TENM3: variants seen among roughly 807,000 people sequenced by gnomAD.
The protein encoded by TENM3 is teneurin-3.
In TENM3, 63 loss-of-function variants were observed where a neutral mutation model predicts 255.1. The observed-to-expected ratio is 0.25, with a 90% CI of 0.20 to 0.30. The LOEUF is 0.30. Among genes scored for constraint, TENM3 ranks in the 10% least tolerant of loss-of-function variants. The probability of loss-of-function intolerance (pLI) is 1.00; values close to 1 mark genes in which losing one functional copy is unlikely to be tolerated. For synonymous variants in TENM3, 1,306 were observed against 1,322.3 expected (o/e 0.99, Z 0.27); for missense variants, 2,929 against 3,461.1 (o/e 0.85, Z 3.86).
chr4:182,406,529 C>A (rs755796260), intron 3 of TENM3, among the ~76,000 whole-genome samples: 20 of 152,070 alleles, frequency 1.3e-4, no homozygotes, highest in Non-Finnish European at 2.6e-4. Context: ...GGAACACCTG[C>A]CAGAAATAAG....
At chr4:182,004,536 C>T in the TENM3 span, among the ~76,000 whole-genome samples, 21,581 of 152,090 alleles carry the variant, frequency 0.14, 1,743 homozygotes, top group South Asian at 0.21. Flanking sequence ...AATAAACATA[C>T]GTGTGCATGT....
intron 2 of TENM3, among the ~76,000 whole-genome samples, chr4:182,333,582 A>G (rs1763917059): frequency 6.6e-6 from 1 of 152,228 alleles, no homozygotes; most frequent in Non-Finnish European, 1.5e-5. Flanking sequence ...TCAATATGGT[A>G]GTAATATTTG....
rs544649241 is a variant in TENM3, at chr4:182,357,115, C to T, written c.511+10186C>T. Among the ~76,000 whole-genome samples the T allele has an allele frequency of 2.0e-5, 3 of 152,186 alleles. No individual in the cohort carries two copies. The South Asian group carries it at 6.2e-4, about 32-fold the overall frequency. On this transcript the variant is annotated intron_variant, in intron 3 of 27. Coordinates refer to ENST00000511685, the MANE Select transcript of TENM3 (RefSeq NM_001080477.4). ...GCCATATTTTCTTAATCCAGTCTAT[C>T]GTTGTTGGACATTTGGGTTGGTTCC...
chr4:182,429,826 C>T (rs940714114), intron 3 of TENM3, among the ~76,000 whole-genome samples: 4 of 152,174 alleles, frequency 2.6e-5, no homozygotes, highest in African/African-American at 9.7e-5. Context: ...AGGAACACTG[C>T]CTTTGAGATC....
intron 1 of TENM3, among the ~76,000 whole-genome samples, chr4:182,176,715 T>C (rs1752509280): frequency 6.6e-6 from 1 of 152,018 alleles, no homozygotes; most frequent in Non-Finnish European, 1.5e-5. Context: ...TCACCCAGGC[T>C]AGAGTGCAGT....
chr4:181,940,807 G>T, the TENM3 span, among the ~76,000 whole-genome samples: 1 of 152,174 alleles, frequency 6.6e-6, no homozygotes, highest in East Asian at 1.9e-4. Context: ...GGGCTGCTGT[G>T]TTGGAAATAG....
chr4:182,475,185 C>T (rs1191388753), intron 3 of TENM3, among the ~76,000 whole-genome samples: 1 of 152,142 alleles, frequency 6.6e-6, no homozygotes, highest in African/African-American at 2.4e-5. Context: ...AGGTTACCCC[C>T]TGGTTTGGTA....
intron 3 of TENM3, among the ~76,000 whole-genome samples, chr4:182,468,192 A>C (rs900550817): frequency 1.1e-4 from 17 of 152,276 alleles, no homozygotes; most frequent in African/African-American, 2.9e-4. Flanking sequence ...TTTGAGACCA[A>C]CCTGGGTAAT....
chr4:182,722,715 G>A (rs1026532544), intron 13 of TENM3, among the ~76,000 whole-genome samples: 1 of 152,192 alleles, frequency 6.6e-6, no homozygotes, highest in African/African-American at 2.4e-5. Flanking sequence ...TTCTCTAAGG[G>A]TACTCTGGCT....
chr4:182,505,132 T>C (rs972984103), intron 3 of TENM3, among the ~76,000 whole-genome samples: 18 of 152,224 alleles, frequency 1.2e-4, no homozygotes, highest in African/African-American at 4.3e-4. Flanking sequence ...ACTCCTCCTG[T>C]AGAATTAGAG....
chr4:182,445,342 C>G (rs1041231896), intron 3 of TENM3, among the ~76,000 whole-genome samples: 16 of 152,170 alleles, frequency 1.1e-4, no homozygotes, highest in African/African-American at 3.6e-4. Flanking sequence ...TATCAAATGC[C>G]AGTCATAAAA....
At chr4:182,236,341 T>G (rs2150041307) in intron 1 of TENM3, among the ~76,000 whole-genome samples, 1 of 152,342 alleles carries the variant, frequency 6.6e-6, no homozygotes, top group East Asian at 1.9e-4. Flanking sequence ...CGCCTGCAGT[T>G]ACTCTCATCA....
At chr4:182,100,622 C>CACATATATAT in the TENM3 span, among the ~76,000 whole-genome samples, 1 of 51,872 alleles carries the variant, frequency 1.9e-5, no homozygotes, top group Non-Finnish European at 3.8e-5. Context: ...CATATATATA[C>CACATATATAT]ACACACATAT....
At chr4:182,778,423 G>A (rs7688427) in intron 24 of TENM3, among the ~76,000 whole-genome samples, 8,672 of 152,192 alleles carry the variant, frequency 0.057, 851 homozygotes, top group African/African-American at 0.2. Flanking sequence ...ACGGCCTAGC[G>A]TGGGACGGCA....
At chr4:181,920,088 A>G in the TENM3 span, among the ~76,000 whole-genome samples, 1 of 151,928 alleles carries the variant, frequency 6.6e-6, no homozygotes, top group African/African-American at 2.4e-5. Flanking sequence ...GCTGCATAGT[A>G]TTCCATGGTG....
chr4:181,999,371 G>A, the TENM3 span, among the ~76,000 whole-genome samples: 1 of 152,126 alleles, frequency 6.6e-6, no homozygotes, highest in African/African-American at 2.4e-5. Flanking sequence ...AAAGTTCTGA[G>A]ACTGGCCTAA....
the TENM3 span, among the ~76,000 whole-genome samples, chr4:181,467,310 GT>G: frequency 3.3e-5 from 5 of 149,312 alleles, no homozygotes; most frequent in East Asian, 5.9e-4. Flanking sequence ...ATTTTTGTAC[GT>G]TTTAGTAGAG....
At chr4:181,458,440 A>C in the TENM3 span, among the ~76,000 whole-genome samples, 2 of 151,948 alleles carry the variant, frequency 1.3e-5, no homozygotes, top group African/African-American at 4.8e-5. Flanking sequence ...TCATTGCTGT[A>C]AACTGCTTGG....
intron 23 of TENM3, chr4:182,773,852 C>G: frequency 2.4e-6 from 1 of 421,486 alleles, no homozygotes; most frequent in Non-Finnish European, 4.1e-6. Context: ...ATCTGTCATC[C>G]TTGGAATAGT....
Sources: gnomAD v4.1 joint callset for allele counts (sites outside exome capture counted in the v4.1 genomes callset) on GRCh38, gnomAD v4.1.1 for gene constraint, MANE v1.5 for transcripts, NCBI Gene and HGNC (gene_info 2026-07-23, HGNC 2026-07-21) for gene names.